Variants in CACNA2D3 observed in about 807,000 individuals in gnomAD.
CACNA2D3 encodes calcium voltage-gated channel auxiliary subunit alpha2delta 3.
CACNA2D3 carries 60 observed loss-of-function variants against 160.6 expected under a neutral mutation model. The ratio of observed to expected loss-of-function variants is 0.37; its 90% CI spans 0.30 to 0.46. The LOEUF (loss-of-function observed/expected upper bound fraction) is 0.46. Ranked by LOEUF, CACNA2D3 falls within the 20% of genes least tolerant of loss-of-function variation. The pLI, the probability that CACNA2D3 is intolerant of heterozygous loss-of-function variation, is 1.00. For missense variants in CACNA2D3, 1,205 were observed against 1,365.0 expected, an observed-to-expected ratio of 0.88 and a Z score of 1.85; for synonymous variants, 558 against 492.9, an observed-to-expected ratio of 1.13 and a Z score of -1.75.
chr3:55,035,532 A>G (rs936611343), intron 35 of CACNA2D3, among the ~76,000 whole-genome samples: 4 of 152,204 alleles, frequency 2.6e-5, no homozygotes, highest in Non-Finnish European at 5.9e-5. Context: ...GAGCAGGCCC[A>G]TGTGTTCCAG....
At chr3:54,222,695 A>C (rs1701598420) in intron 2 of CACNA2D3, among the ~76,000 whole-genome samples, 1 of 152,224 alleles carries the variant, frequency 6.6e-6, no homozygotes, top group Middle Eastern at 3.2e-3. Flanking sequence ...TTTCTATTTC[A>C]TAAGTTATTG....
intron 2 of CACNA2D3, among the ~76,000 whole-genome samples, chr3:54,204,731 G>A (rs1463703609): frequency 1.3e-5 from 2 of 150,244 alleles, no homozygotes; most frequent in Admixed American, 1.3e-4. Context: ...GGGAGGTGGA[G>A]GTTGCAGTGA....
chr3:55,033,582 GTGTATATATA>G (rs1255585549), intron 35 of CACNA2D3, among the ~76,000 whole-genome samples: 1 of 119,592 alleles, frequency 8.4e-6, no homozygotes, highest in South Asian at 2.6e-4. Context: ...TTATGTGTGT[GTGTATATATA>G]TATATATATA....
intron 16 of CACNA2D3, among the ~76,000 whole-genome samples, chr3:54,840,403 C>CTTTTTTTTTTTTTTTTTTTTTTTTTTT (rs1174129020): frequency 2.7e-5 from 2 of 73,448 alleles, no homozygotes; most frequent in African/African-American, 5.6e-5. Flanking sequence ...AGAACCATGT[C>CTTTTTTTTTTTTTTTTTTTTTTTTTTT]TTTTTTTTTT....
chr3:55,058,646 A>C (rs1046511971), intron 35 of CACNA2D3, among the ~76,000 whole-genome samples: 1 of 152,156 alleles, frequency 6.6e-6, no homozygotes, highest in African/African-American at 2.4e-5. Flanking sequence ...TTAAATAGAA[A>C]GTTATTATTC....
rs181545818 is a variant in CACNA2D3, at chr3:54,389,362, T to C, written c.381+2588T>C. 7.0e-4 allele frequency among the ~76,000 whole-genome samples: 107 copies of C among 151,866 alleles called. 1 individual carries two copies. The highest frequency in any genetic ancestry group is 1.6e-4 in the Non-Finnish European group (11 of 67,978). The stretch of plus-strand genomic sequence containing the variant: ...GCAACTAATGCATATAGAAAAATGA[T>C]TGAGTTAGAAAATTATGGTAATTAA... On this transcript the variant is annotated intron_variant, in intron 4 of 37. Coordinates refer to ENST00000474759, the MANE Select transcript of CACNA2D3 (RefSeq NM_018398.3).
chr3:54,713,137 T>G (rs186014422), intron 11 of CACNA2D3, among the ~76,000 whole-genome samples: 2 of 152,334 alleles, frequency 1.3e-5, no homozygotes, highest in Admixed American at 1.3e-4. Context: ...CATTATGTCT[T>G]ATCATTTAAT....
chr3:55,000,925 A>T (rs913189598), intron 31 of CACNA2D3, among the ~76,000 whole-genome samples: 1 of 152,198 alleles, frequency 6.6e-6, no homozygotes, highest in Admixed American at 6.5e-5. Flanking sequence ...AGCAGAGAGC[A>T]AAAGGTGGTG....
intron 11 of CACNA2D3, among the ~76,000 whole-genome samples, chr3:54,739,326 G>A (rs537054723): frequency 1.4e-4 from 21 of 151,196 alleles, no homozygotes; most frequent in African/African-American, 3.4e-4. Context: ...AGGCCGAAGC[G>A]GGAGAATTGC....
At chr3:54,928,928 G>C (rs866422707) in intron 27 of CACNA2D3, among the ~76,000 whole-genome samples, 1 of 152,080 alleles carries the variant, frequency 6.6e-6, no homozygotes, top group Non-Finnish European at 1.5e-5. Flanking sequence ...GACTGGAACC[G>C]TTTCTTTGAA....
chr3:54,516,802 T>C (rs1025706660), intron 5 of CACNA2D3, among the ~76,000 whole-genome samples: 8 of 152,160 alleles, frequency 5.3e-5, no homozygotes, highest in Admixed American at 4.6e-4. Context: ...GGGGTAGATT[T>C]TCATGTTCTC....
intron 4 of CACNA2D3, among the ~76,000 whole-genome samples, chr3:54,408,168 A>G (rs1033306446): frequency 6.6e-6 from 1 of 152,212 alleles, no homozygotes; most frequent in Non-Finnish European, 1.5e-5. Flanking sequence ...ATGAAAGAGA[A>G]GTACAAGGTA....
chr3:54,926,505 TACACACACACACACACACACACACAC>T lies in CACNA2D3; in HGVS notation c.2449+26660_2449+26685del, dbSNP rs36205023. Among the ~76,000 whole-genome samples the T allele has an allele frequency of 9.8e-5, 14 of 143,408 alleles. No individual in the cohort carries two copies. The South Asian group carries it at 3.3e-3, about 34-fold the overall frequency. 94.1% of individuals were successfully genotyped at this position (143,408 alleles called of 152,430 possible). On this transcript the variant is annotated intron_variant, in intron 27 of 37. Transcript: ENST00000474759. The stretch of plus-strand genomic sequence containing the variant: ...CTACTGTGCTCCACTGCCTGTCAAA[TACACACACACACACACACACACACAC>T]ACACACACACACACACACACACTCT...
intron 11 of CACNA2D3, among the ~76,000 whole-genome samples, chr3:54,740,934 C>T (rs1701636226): frequency 6.6e-6 from 1 of 152,220 alleles, no homozygotes; most frequent in Admixed American, 6.5e-5. Flanking sequence ...TGCTGTGCTG[C>T]TTCTGCAGGG....
chr3:54,573,197 A>T (rs1453460514), intron 8 of CACNA2D3, among the ~76,000 whole-genome samples: 1 of 152,174 alleles, frequency 6.6e-6, no homozygotes, highest in Non-Finnish European at 1.5e-5. Context: ...CTAGAAAGAC[A>T]CTCTGAACTT....
intron 4 of CACNA2D3, among the ~76,000 whole-genome samples, chr3:54,469,948 C>G (rs1434306048): frequency 6.6e-6 from 1 of 152,144 alleles, no homozygotes; most frequent in Admixed American, 6.5e-5. Context: ...ACCAAACTTA[C>G]TTTTGACTGA....
At chr3:54,699,796 A>G (rs946844776) in intron 11 of CACNA2D3, among the ~76,000 whole-genome samples, 2 of 152,202 alleles carry the variant, frequency 1.3e-5, no homozygotes, top group African/African-American at 4.8e-5. Flanking sequence ...TTAAATGGAA[A>G]GTACTTAATA....
At chr3:54,511,711 T>C (rs1021499952) in intron 5 of CACNA2D3, among the ~76,000 whole-genome samples, 1 of 152,064 alleles carries the variant, frequency 6.6e-6, no homozygotes, top group Non-Finnish European at 1.5e-5. Flanking sequence ...TAAAGGACAA[T>C]GGGAGAGCAG....
chr3:54,572,076 C>CCCCAG (rs57669386), intron 8 of CACNA2D3, among the ~76,000 whole-genome samples: 2 of 151,868 alleles, frequency 1.3e-5, no homozygotes. Context: ...GGGCTGCCTT[C>CCCCAG]TGCATAGGCG....
Sources: gnomAD v4.1 joint callset for allele counts (sites outside exome capture counted in the v4.1 genomes callset) on GRCh38, gnomAD v4.1.1 for gene constraint, MANE v1.5 for transcripts, NCBI Gene and HGNC (gene_info 2026-07-23, HGNC 2026-07-21) for gene names.